Variants in SOHLH2 observed in about 807,000 individuals in gnomAD.
SOHLH2 encodes the protein spermatogenesis and oogenesis specific basic helix-loop-helix 2, also known as spermatogenesis- and oogenesis-specific basic helix-loop-helix-containing protein 2.
In SOHLH2, 22 loss-of-function variants were observed where a neutral mutation model predicts 50.4. The ratio of observed to expected loss-of-function variants is 0.44; its 90% CI spans 0.31 to 0.62. SOHLH2 has a LOEUF of 0.62. Ranked by LOEUF, SOHLH2 falls within the 20% of genes least tolerant of loss-of-function variation. SOHLH2 has a pLI of 0.08. For missense variants in SOHLH2, 412 were observed against 504.4 expected, an observed-to-expected ratio of 0.82 and a Z score of 1.76; for synonymous variants, 185 against 187.3, an observed-to-expected ratio of 0.99 and a Z score of 0.10.
At chr13:36,178,827 T>G (rs1887167012) in intron 6 of SOHLH2, among the ~76,000 whole-genome samples, 1 of 152,042 alleles carries the variant, frequency 6.6e-6, no homozygotes, top group African/African-American at 2.4e-5. Context: ...TTTGTTTTTT[T>G]TTTTTTGCAT....
intron 1 of SOHLH2, among the ~76,000 whole-genome samples, chr13:36,214,003 G>A (rs1252694800): frequency 6.7e-6 from 1 of 148,760 alleles, no homozygotes; most frequent in East Asian, 2.0e-4. Context: ...GTGGCCTTCT[G>A]CTCGAAAAAT....
chr13:36,170,924 G>A, intron 9 of SOHLH2, 137 bp from the exon 10 acceptor site: 2 of 1,365,842 alleles, frequency 1.5e-6, no homozygotes, highest in Non-Finnish European at 2.0e-6. Flanking sequence ...CCCGAATGCT[G>A]ATGGAAAAAC....
At chr13:36,206,964 A>G (rs1305762641) in intron 1 of SOHLH2, among the ~76,000 whole-genome samples, 1 of 151,732 alleles carries the variant, frequency 6.6e-6, no homozygotes, top group Non-Finnish European at 1.5e-5. Flanking sequence ...AAATACTACT[A>G]TATAAAACAT....
At chr13:36,170,121 G>T (rs571923823) in intron 10 of SOHLH2, among the ~76,000 whole-genome samples, 1 of 152,160 alleles carries the variant, frequency 6.6e-6, no homozygotes, top group East Asian at 1.9e-4. Context: ...AAAGCTTTTT[G>T]ATTAGTGTAA....
intron 2 of SOHLH2, among the ~76,000 whole-genome samples, chr13:36,196,158 C>T (rs1036171495): frequency 2.9e-5 from 4 of 138,116 alleles, no homozygotes; most frequent in African/African-American, 2.7e-5. Context: ...CAAGGTCTTG[C>T]TTTGTCACTC....
chr13:36,175,773 G>T (rs1887082171), intron 6 of SOHLH2, among the ~76,000 whole-genome samples: 1 of 152,012 alleles, frequency 6.6e-6, no homozygotes, highest in Admixed American at 6.6e-5. Flanking sequence ...CTACATCAGT[G>T]GTGTTCTCAC....
chr13:36,203,556 T>C (rs1158368476), intron 1 of SOHLH2, among the ~76,000 whole-genome samples: 2 of 152,274 alleles, frequency 1.3e-5, no homozygotes, highest in Non-Finnish European at 2.9e-5. Flanking sequence ...TATCCTCGAA[T>C]CCAAACTAGA....
intron 5 of SOHLH2, among the ~76,000 whole-genome samples, chr13:36,191,038 T>A (rs1219988103): frequency 6.6e-6 from 1 of 152,176 alleles, no homozygotes; most frequent in Non-Finnish European, 1.5e-5. Flanking sequence ...TTATGTCCAT[T>A]CTTTGTATCC....
At chr13:36,187,685 C>T (rs1255610274) in intron 6 of SOHLH2, among the ~76,000 whole-genome samples, 1 of 152,170 alleles carries the variant, frequency 6.6e-6, no homozygotes, top group African/African-American at 2.4e-5. Flanking sequence ...GATCGGGCCC[C>T]ATCGAAAAAT....
In SOHLH2 at chr13:36,214,510, A is replaced by G. The variant is rs761930781; in HGVS notation, c.17T>C (p.Ile6Thr). 34 of 1,612,680 alleles carry G rather than the reference A, an allele frequency of 2.1e-5. No homozygotes were observed. In the South Asian group the frequency reaches 3.6e-4, roughly 17 times the overall value. MASSI[I>T]CQEHCQISGQ... ...CGAGATCTGGCAGTGCTCCTGGCAGATAATTGAGGAAGCCATGGCCGCTGC... is the reference window on the plus strand; with the variant it reads ...CGAGATCTGGCAGTGCTCCTGGCAGGTAATTGAGGAAGCCATGGCCGCTGC... Residue 6 changes from isoleucine (I) to threonine (T), a missense_variant, in exon 1 of 11, where the codon ATC (isoleucine) becomes ACC (threonine). Coordinates refer to ENST00000379881, the MANE Select transcript of SOHLH2 (RefSeq NM_017826.3).
chr13:36,175,903 C>G (rs1190202354), intron 6 of SOHLH2, among the ~76,000 whole-genome samples: 1 of 151,988 alleles, frequency 6.6e-6, no homozygotes, highest in Non-Finnish European at 1.5e-5. Flanking sequence ...CTTTTCACAG[C>G]CTTTGACATG....
At chr13:36,183,748 C>T (rs9546626) in intron 6 of SOHLH2, among the ~76,000 whole-genome samples, 125,786 of 152,148 alleles carry the variant, frequency 0.83, 52,493 homozygotes, top group East Asian at 1. Flanking sequence ...ACCATGCAAA[C>T]ACTAATCACA....
At position 36,174,484 on chromosome 13, in the gene SOHLH2, C is replaced by T; in HGVS notation, c.873G>A (p.Met291Ile). 1.2e-6 allele frequency: 2 copies of T among 1,614,088 alleles called. No individual in the cohort carries two copies. The change falls in exon 8 of 11, where the codon ATG (methionine) becomes ATA (isoleucine). Residue 291 changes from methionine to isoleucine, a missense_variant. By Grantham distance (10) the Met-to-Ile change is conservative. Coordinates refer to ENST00000379881, the MANE Select transcript of SOHLH2 (RefSeq NM_017826.3). ...PIELSLPGTV[M>I]AQRENSVMST... ...AAAAGCCCTTATCATACCGCTGTGC[C>T]ATGACAGTGCCTGGGAGAGACAGCT...
intron 2 of SOHLH2, among the ~76,000 whole-genome samples, chr13:36,194,533 G>A (rs1474393682): frequency 2.0e-5 from 3 of 152,172 alleles, no homozygotes; most frequent in African/African-American, 7.2e-5. Context: ...TGATGAGCCA[G>A]ATGTGGGTAA....
chr13:36,184,459 C>CTTTTTTTTTTTTTTTTTTTTTTT lies in SOHLH2; in HGVS notation c.641+5486_641+5487insAAAAAAAAAAAAAAAAAAAAAAA, dbSNP rs764218457. 4.4e-4 allele frequency among the ~76,000 whole-genome samples: 36 copies of CTTTTTTTTTTTTTTTTTTTTTTT among 81,662 alleles called. 2 individuals are homozygous for CTTTTTTTTTTTTTTTTTTTTTTT. The highest frequency in any genetic ancestry group is 1.6e-3 in the African/African-American group (32 of 20,410). The allele number at this position is 81,662 out of a possible 152,430, so 53.6% of individuals were successfully genotyped here. A position where few individuals can be genotyped will look rare whatever the true frequency, so the allele number is the denominator to read the frequency against. Reference sequence around the variant, plus strand: ...TGATGGAAGTTTCTACCTACAAAGACCTTTTTTTTTTTTTTTTTTTGAGAC... The same window carrying CTTTTTTTTTTTTTTTTTTTTTTT: ...TGATGGAAGTTTCTACCTACAAAGACTTTTTTTTTTTTTTTTTTTTTTTCTTTTTTTTTTTTTTTTTTTGAGAC... On this transcript the variant is annotated intron_variant, in intron 6 of 10. Coordinates refer to ENST00000379881, the MANE Select transcript of SOHLH2 (RefSeq NM_017826.3).
Position 36,168,803 on chromosome 13 carries a change from G to A in SOHLH2, c.*231C>T, listed in dbSNP as rs574111047. 54 of 532,982 alleles carry A rather than the reference G, an allele frequency of 1.0e-4. No individual in the cohort carries two copies. The highest frequency in any genetic ancestry group is 6.0e-4 in the Middle Eastern group (2 of 3,314). 33.0% of individuals were successfully genotyped at this position (532,982 alleles called of 1,614,324 possible). On this transcript the variant is annotated 3_prime_UTR_variant, in exon 11 of 11. Coordinates refer to ENST00000379881, the MANE Select transcript of SOHLH2 (RefSeq NM_017826.3). ...TTGTTCTTGTAGCTCTCTGGCTGGC[G>A]GGGATCCAAGTGTGTATGAAGATGA...
Position 36,193,667 on chromosome 13 carries a change from T to C in SOHLH2, c.384A>G (p.Lys128=). The C allele has an allele frequency of 1.2e-6, 2 of 1,613,208 alleles. No individual in the cohort carries two copies. Among genetic ancestry groups the C allele is most frequent in the Non-Finnish European group, 1.7e-6 (2 of 1,179,790 alleles). ...TCCAGTATTTTACCACATTACTCAT[T>C]TTTTCCATTGTCAGTGGTTCAGTTA... The part of the protein sequence containing the change: ...IALTEPLTME[K]MSNVVKYWTT... Residue 128 remains lysine, a synonymous_variant, in exon 4 of 11, where the codon AAA becomes AAG. Coordinates refer to ENST00000379881, the MANE Select transcript of SOHLH2 (RefSeq NM_017826.3).
intron 1 of SOHLH2, among the ~76,000 whole-genome samples, chr13:36,205,367 A>G (rs1245665188): frequency 1.3e-5 from 2 of 152,116 alleles, no homozygotes; most frequent in African/African-American, 2.4e-5. Context: ...ATTTCAAATC[A>G]TTTTACTACT....
intron 2 of SOHLH2, among the ~76,000 whole-genome samples, chr13:36,199,204 G>A (rs1198341814): frequency 6.6e-6 from 1 of 152,036 alleles, no homozygotes; most frequent in Non-Finnish European, 1.5e-5. Flanking sequence ...CTCTACAGGG[G>A]TTTAAACAAT....
Sources: gnomAD v4.1 joint callset for allele counts (sites outside exome capture counted in the v4.1 genomes callset) on GRCh38, gnomAD v4.1.1 for gene constraint, MANE v1.5 for transcripts, NCBI Gene and HGNC (gene_info 2026-07-23, HGNC 2026-07-21) for gene names.